The following KEL variants were observed in gnomAD, a reference collection of about 807,000 sequenced individuals.
The protein encoded by KEL is kell blood group glycoprotein.
Under a neutral mutation model 99.5 loss-of-function variants are expected in KEL, and 96 were observed. The observed-to-expected ratio is 0.97, with a 90% CI of 0.82 to 1.14. KEL has a LOEUF of 1.14. Among genes scored for constraint, KEL ranks in the 50% most tolerant of loss-of-function variants. The pLI, the probability that KEL is intolerant of heterozygous loss-of-function variation, is 0.00. For synonymous variants in KEL, 355 were observed against 354.8 expected, an observed-to-expected ratio of 1.00 and a Z score of -0.01; for missense variants, 926 against 924.2, an observed-to-expected ratio of 1.00 and a Z score of -0.03.
intron 1 of KEL, 94 bp downstream of exon 1, chr7:142,962,110 C>T: frequency 6.2e-7 from 1 of 1,614,004 alleles, no homozygotes; most frequent in Non-Finnish European, 8.5e-7. Context: ...CTCTGTAAGC[C>T]TTACATTCCC....
chr7:142,944,878 G>C (rs537773840), intron 11 of KEL, 137 bp from the exon 12 acceptor site: 2 of 723,678 alleles, frequency 2.8e-6, no homozygotes, highest in East Asian at 5.4e-5. Flanking sequence ...TAGAGGAGCA[G>C]CTCAACTAAA....
chr7:142,946,825 GA>G (rs1303008851), intron 10 of KEL, among the ~76,000 whole-genome samples: 1 of 152,162 alleles, frequency 6.6e-6, no homozygotes, highest in Non-Finnish European at 1.5e-5. Flanking sequence ...ATCTTGTAAA[GA>G]AAAAATTATC....
chr7:142,955,887 T>C (rs1796819676), intron 6 of KEL, among the ~76,000 whole-genome samples: 1 of 152,222 alleles, frequency 6.6e-6, no homozygotes, highest in Admixed American at 6.5e-5. Context: ...GTTTGGAAAG[T>C]ATCTCTAGGT....
Position 142,944,206 on chromosome 7 carries a change from G to GT in KEL, c.1491+116dup, listed in dbSNP as rs1796450713. ...CCCATCAACCCCAGCCAGCACCAGA[G>GT]TAAGGACAGAGCTAAGTCACCCAGG... On this transcript the variant is annotated intron_variant, in intron 13 of 18. Transcript: ENST00000355265. 5 of 862,054 alleles carry GT rather than the reference G, an allele frequency of 5.8e-6. No homozygotes were observed. In the Admixed American group the frequency reaches 8.9e-5, roughly 15 times the overall value. 53.4% of individuals were successfully genotyped at this position (862,054 alleles called of 1,614,324 possible).
rs753220170 is a variant in KEL, at chr7:142,961,792, T to C, written c.81+3A>G. ...TCCAGACCCAGGAGAGGAGGCCACT[T>C]ACCTCTTGGCTCCAGAGAGTTCCCA... On this transcript the variant is annotated splice_donor_region_variant and intron_variant, in intron 2 of 18. Transcript: ENST00000355265. 2.0e-5 allele frequency: 33 copies of C among 1,613,174 alleles called. No individual in the cohort carries two copies. The highest frequency in any genetic ancestry group is 2.8e-5 in the Non-Finnish European group (33 of 1,179,286).
intron 6 of KEL, among the ~76,000 whole-genome samples, chr7:142,955,158 T>G (rs1033184100): frequency 1.3e-5 from 2 of 152,120 alleles, no homozygotes; most frequent in Non-Finnish European, 2.9e-5. Context: ...CAGTCTTTGC[T>G]CAAATAAACT....
In KEL at chr7:142,961,859, T is replaced by A. The variant is rs950408375; in HGVS notation, c.17A>T (p.Gln6Leu). 1 of 1,614,144 alleles carries A rather than the reference T, an allele frequency of 6.2e-7. No homozygotes were observed. Among genetic ancestry groups the A allele is most frequent in the Admixed American group, 1.7e-5 (1 of 60,022 alleles). ...GCGTTCCCTCGGCTCTTCCTCACTT[T>A]GGTCCCCACCTTCCTGAAGTGAGTG... MEGGD[Q>L]SEEEPRERSQ... Residue 6 changes from glutamine (Q) to leucine (L), a missense_variant, in exon 2 of 19, where the codon CAA becomes CTA. Coordinates refer to ENST00000355265, the MANE Select transcript of KEL (RefSeq NM_000420.3).
Position 142,941,209 on chromosome 7 carries a change from T to A in KEL, c.*43A>T. ...GATTCCATGGATGTGACCAGGGAGGTGTTGGTCGATATTTCTGTGCTGTGG... is the reference window on the plus strand; with the variant it reads ...GATTCCATGGATGTGACCAGGGAGGAGTTGGTCGATATTTCTGTGCTGTGG... On this transcript the variant is annotated 3_prime_UTR_variant, in exon 19 of 19. Coordinates refer to ENST00000355265, the MANE Select transcript of KEL (RefSeq NM_000420.3). The A allele has an allele frequency of 6.3e-7, 1 of 1,596,760 alleles. No homozygotes were observed. The highest frequency in any genetic ancestry group is 8.6e-7 in the Non-Finnish European group (1 of 1,165,000).
intron 6 of KEL, among the ~76,000 whole-genome samples, chr7:142,954,979 A>C (rs1367141753): frequency 6.6e-6 from 1 of 152,192 alleles, no homozygotes; most frequent in Non-Finnish European, 1.5e-5. Context: ...TCAGGCAACC[A>C]CAGGCTGTCA....
intron 9 of KEL, chr7:142,953,386 A>G (rs1172472604): frequency 3.0e-6 from 3 of 984,536 alleles, no homozygotes; most frequent in Non-Finnish European, 3.6e-6. Flanking sequence ...AGCCTTCACC[A>G]TGTTCATCTC....
intron 10 of KEL, among the ~76,000 whole-genome samples, chr7:142,947,692 A>AG (rs1322269504): frequency 6.6e-6 from 1 of 152,200 alleles, no homozygotes; most frequent in Non-Finnish European, 1.5e-5. Flanking sequence ...CTGGGATTAC[A>AG]GGTGGCTACC....
intron 6 of KEL, among the ~76,000 whole-genome samples, chr7:142,956,197 T>G (rs1320077195): frequency 1.3e-5 from 2 of 152,184 alleles, no homozygotes; most frequent in African/African-American, 4.8e-5. Flanking sequence ...TTTCTTTATA[T>G]CCAATCAGTC....
At chr7:142,942,222 G>A (rs1796378452) in intron 18 of KEL, 3 of 590,362 alleles carry the variant, frequency 5.1e-6, no homozygotes, top group Non-Finnish European at 9.0e-6. Context: ...TTTGAGTTGT[G>A]GGGGTGCTGA....
intron 12 of KEL, 105 bp downstream of exon 12, chr7:142,944,538 G>A (rs1796461205): frequency 1.7e-6 from 2 of 1,193,646 alleles, no homozygotes; most frequent in African/African-American, 1.5e-5. Context: ...TACTTAGCAT[G>A]TGCCTGGGGG....
chr7:142,946,247 A>T lies in KEL; in HGVS notation c.1274T>A (p.Leu425Ter), dbSNP rs1425307865. 1 of 1,614,176 alleles carries T rather than the reference A, an allele frequency of 6.2e-7. No homozygotes were observed. The highest frequency in any genetic ancestry group is 8.5e-7 in the Non-Finnish European group (1 of 1,180,018). Reference protein sequence around the residue: ...GTFFEPTLAALFVREAFGPST... With the variant: ...GTFFEPTLAA Reference sequence around the variant, plus strand: ...CGGGCCAAAGGCCTCACGAACAAACAAAGCCGCCAGCGTGGGCTCGAAGAA... The same window carrying T: ...CGGGCCAAAGGCCTCACGAACAAACTAAGCCGCCAGCGTGGGCTCGAAGAA... The change falls in exon 11 of 19, where the codon TTG becomes TAG. Residue 425 changes from leucine to a stop codon, truncating the protein, a stop_gained. Coordinates refer to ENST00000355265, the MANE Select transcript of KEL (RefSeq NM_000420.3). LOFTEE classifies it high-confidence loss of function.
At chr7:142,958,667 G>A (rs1408219681) in intron 4 of KEL, among the ~76,000 whole-genome samples, 1 of 152,122 alleles carries the variant, frequency 6.6e-6, no homozygotes, top group Non-Finnish European at 1.5e-5. Context: ...TTTTGAAATG[G>A]CCCTGCAAAG....
In KEL at chr7:142,961,107, G is replaced by A; in HGVS notation, c.224-3C>T. The A allele has an allele frequency of 6.2e-7, 1 of 1,613,474 alleles. No homozygotes were observed. The highest frequency in any genetic ancestry group is 8.5e-7 in the Non-Finnish European group (1 of 1,180,022). On this transcript the variant is annotated splice_region_variant and splice_polypyrimidine_tract_variant and intron_variant, in intron 3 of 18. Coordinates refer to ENST00000355265, the MANE Select transcript of KEL (RefSeq NM_000420.3). The stretch of plus-strand genomic sequence containing the variant: ...ACACACAGATGTCTCACAGGGGCCT[G>A]TGGGGAAAAGCTCAGAGCTGGGAAA...
chr7:142,960,144 C>T (rs1341678878), intron 4 of KEL, among the ~76,000 whole-genome samples: 1 of 152,180 alleles, frequency 6.6e-6, no homozygotes, highest in Non-Finnish European at 1.5e-5. Context: ...CTTCCACTGC[C>T]AATTAACTCA....
rs772773089 is a variant in KEL, at chr7:142,954,217, C to T, written c.891G>A (p.Lys297=). 2.5e-6 allele frequency: 4 copies of T among 1,612,514 alleles called. No homozygotes were observed. The highest frequency in any genetic ancestry group is 1.1e-5 in the South Asian group (1 of 91,084). Residue 297 remains lysine, a synonymous_variant, in exon 8 of 19, where the codon AAG becomes AAA. Coordinates refer to ENST00000355265, the MANE Select transcript of KEL (RefSeq NM_000420.3). ...RPLEQRRAQG[K]LFQMVTIDQL... ...GGTCGATAGTGACCATCTGGAAGAGCTTGCCCTGTGCCCGCCGCTGCTCCA... is the reference window on the plus strand; with the variant it reads ...GGTCGATAGTGACCATCTGGAAGAGTTTGCCCTGTGCCCGCCGCTGCTCCA...
Sources: allele counts gnomAD v4.1 joint callset (sites outside exome capture counted in the v4.1 genomes callset), GRCh38; gene constraint gnomAD v4.1.1; transcripts MANE v1.5; gene names NCBI Gene and HGNC (gene_info 2026-07-23, HGNC 2026-07-21).